Variants in FAM193A observed in about 807,000 individuals in gnomAD.
FAM193A encodes the protein protein FAM193A.
A neutral mutation model predicts 126.5 loss-of-function variants in FAM193A; 22 were observed. The observed-to-expected ratio is 0.17, with a 90% CI of 0.12 to 0.25. FAM193A has a LOEUF of 0.25. FAM193A is among the 10% of genes least tolerant of loss of function. FAM193A has a pLI of 1.00. For synonymous variants in FAM193A, 761 were observed against 646.8 expected (o/e 1.18, Z -2.68); for missense variants, 1,675 against 1,672.8 (o/e 1.00, Z -0.02).
intron 7 of FAM193A, chr4:2,655,098 C>T (rs1328467937): frequency 4.3e-6 from 3 of 700,750 alleles, no homozygotes; most frequent in Non-Finnish European, 7.8e-6. Context: ...GATACTGGCA[C>T]CCTTGTCCAG....
intron 14 of FAM193A, among the ~76,000 whole-genome samples, chr4:2,690,352 G>T (rs1442609513): frequency 6.6e-6 from 1 of 152,202 alleles, no homozygotes; most frequent in Non-Finnish European, 1.5e-5. Flanking sequence ...ATCCTGATCT[G>T]TGCTTAGGAA....
chr4:2,552,148 A>T (rs570533699), intron 1 of FAM193A, among the ~76,000 whole-genome samples: 5 of 151,036 alleles, frequency 3.3e-5, no homozygotes, highest in African/African-American at 1.2e-4. Flanking sequence ...AGTAGCTGGG[A>T]CTACAGGTGC....
chr4:2,622,125 C>T (rs868313339), intron 2 of FAM193A, among the ~76,000 whole-genome samples: 4 of 151,876 alleles, frequency 2.6e-5, no homozygotes, highest in African/African-American at 7.3e-5. Context: ...GGTGTGGTGG[C>T]GCATGCCTTT....
At chr4:2,699,386 C>T (rs1478953119) in intron 18 of FAM193A, among the ~76,000 whole-genome samples, 1 of 148,876 alleles carries the variant, frequency 6.7e-6, no homozygotes, top group Non-Finnish European at 1.5e-5. Context: ...TCCTTGGTTA[C>T]TGTGTTTAGT....
intron 7 of FAM193A, among the ~76,000 whole-genome samples, chr4:2,648,598 C>T (rs1745368020): frequency 6.6e-6 from 1 of 152,210 alleles, no homozygotes; most frequent in Non-Finnish European, 1.5e-5. Context: ...GGCAGAGTCT[C>T]CTGCTGCAGC....
chr4:2,610,743 CTT>C (rs368434108), intron 2 of FAM193A, among the ~76,000 whole-genome samples: 1 of 146,988 alleles, frequency 6.8e-6, no homozygotes, highest in Non-Finnish European at 1.5e-5. Context: ...GAGTATCAGT[CTT>C]TTTTTTTTTG....
chr4:2,712,286 T>C (rs1719064219), intron 19 of FAM193A, among the ~76,000 whole-genome samples: 1 of 152,212 alleles, frequency 6.6e-6, no homozygotes, highest in Non-Finnish European at 1.5e-5. Flanking sequence ...TAGTCTTCTG[T>C]ATATCCTTAT....
chr4:2,552,684 C>T (rs1738008724), intron 1 of FAM193A, among the ~76,000 whole-genome samples: 1 of 151,494 alleles, frequency 6.6e-6, no homozygotes, highest in African/African-American at 2.4e-5. Flanking sequence ...ACTACAGGCG[C>T]CCACCACCAT....
chr4:2,702,869 G>A (rs1294151003), intron 19 of FAM193A, among the ~76,000 whole-genome samples: 2 of 152,082 alleles, frequency 1.3e-5, no homozygotes, highest in African/African-American at 4.8e-5. Context: ...ACTTAAATTA[G>A]TTCTTTTCAC....
At chr4:2,610,559 A>T (rs1741804672) in intron 2 of FAM193A, among the ~76,000 whole-genome samples, 1 of 152,220 alleles carries the variant, frequency 6.6e-6, no homozygotes, top group Non-Finnish European at 1.5e-5. Context: ...TTCCTTTAGC[A>T]TAATGCTTTT....
chr4:2,594,911 C>G (rs1740775058), intron 1 of FAM193A, among the ~76,000 whole-genome samples: 1 of 142,262 alleles, frequency 7.0e-6, no homozygotes. Context: ...TCACTGCAAC[C>G]TCCACCTTCC....
intron 1 of FAM193A, among the ~76,000 whole-genome samples, chr4:2,562,121 A>G (rs1244000942): frequency 2.0e-5 from 3 of 152,086 alleles, no homozygotes; most frequent in African/African-American, 7.2e-5. Flanking sequence ...TAACTTTATG[A>G]TAATTGTAAT....
chr4:2,550,268 A>C (rs1578574852), intron 1 of FAM193A, among the ~76,000 whole-genome samples: 1 of 150,384 alleles, frequency 6.6e-6, no homozygotes, highest in South Asian at 2.1e-4. Flanking sequence ...CTGATCTCGA[A>C]CTCCTGGCCT....
intron 7 of FAM193A, 62 bp from the exon 8 acceptor site, chr4:2,657,741 G>C (rs1455789326): frequency 9.6e-7 from 1 of 1,038,714 alleles, no homozygotes; most frequent in Non-Finnish European, 1.5e-6. Context: ...AAAATGTCTT[G>C]TATAATTGTC....
chr4:2,662,189 A>G (rs567060016), intron 10 of FAM193A, among the ~76,000 whole-genome samples: 22 of 152,310 alleles, frequency 1.4e-4, no homozygotes, highest in African/African-American at 5.3e-4. Flanking sequence ...CCTCAAAAAA[A>G]TAATAAAATA....
At position 2,626,566 on chromosome 4, in the gene FAM193A, G is replaced by A. The variant is rs1210058125; in HGVS notation, c.792G>A (p.Glu264=). The change falls in exon 4 of 21, where the codon GAG becomes GAA. Residue 264 remains glutamate, a synonymous_variant. Coordinates refer to ENST00000637812, the MANE Select transcript of FAM193A (RefSeq NM_001366318.2). ...SLVPDKEGVK[E]LVDRLCERDP... is the part of the protein sequence containing the mutation. Reference sequence around the variant, plus strand: ...TGCCTGACAAGGAGGGAGTGAAGGAGCTCGTGGATAGGTACATACTGCCCT... The same window carrying A: ...TGCCTGACAAGGAGGGAGTGAAGGAACTCGTGGATAGGTACATACTGCCCT... 1.4e-6 allele frequency: 1 copy of A among 700,710 alleles called. No homozygotes were observed. Among genetic ancestry groups the A allele is most frequent in the African/African-American group, 1.7e-5 (1 of 57,204 alleles). The allele number at this position is 700,710 out of a possible 1,614,324, so 43.4% of individuals were successfully genotyped here. A position where few individuals can be genotyped will look rare whatever the true frequency, so the allele number is the denominator to read the frequency against.
At chr4:2,549,629 C>G (rs1477492032) in intron 1 of FAM193A, among the ~76,000 whole-genome samples, 5 of 150,714 alleles carry the variant, frequency 3.3e-5, no homozygotes, top group African/African-American at 9.8e-5. Context: ...ATCTCCTGAC[C>G]TCGTGATCCG....
upstream of FAM193A, among the ~76,000 whole-genome samples, chr4:2,535,664 TTA>T (rs1472788047): frequency 7.1e-6 from 1 of 140,384 alleles, no homozygotes; most frequent in African/African-American, 2.5e-5. Flanking sequence ...ACGCAAGCCC[TTA>T]TTTCTGATCT....
intron 1 of FAM193A, among the ~76,000 whole-genome samples, chr4:2,548,071 ATTTT>A (rs35770924): frequency 3.1e-5 from 4 of 127,790 alleles, no homozygotes; most frequent in East Asian, 2.3e-4. Context: ...GACTTTGCCT[ATTTT>A]TTTTTTTTTT....
Sources: allele counts gnomAD v4.1 joint callset (sites outside exome capture counted in the v4.1 genomes callset), GRCh38; gene constraint gnomAD v4.1.1; transcripts MANE v1.5; gene names NCBI Gene and HGNC (gene_info 2026-07-23, HGNC 2026-07-21).